Variants in ATP6V1H observed in about 807,000 individuals in gnomAD.
ATP6V1H encodes V-type proton ATPase subunit H.
In ATP6V1H, 39 loss-of-function variants were observed where a neutral mutation model predicts 71.7. That is an observed-to-expected ratio of 0.54 (90% CI 0.42 to 0.71). The LOEUF (loss-of-function observed/expected upper bound fraction) is 0.71, where lower values mean the gene tolerates loss of function less well. Ranked by LOEUF, ATP6V1H falls within the 30% of genes least tolerant of loss-of-function variation. The pLI is 0.00. For synonymous variants in ATP6V1H, 192 were observed against 199.3 expected, an observed-to-expected ratio of 0.96 and a Z score of 0.31; for missense variants, 509 against 594.9, an observed-to-expected ratio of 0.86 and a Z score of 1.50.
chr8:53,784,358 AC>A (rs1563465478), intron 9 of ATP6V1H, among the ~76,000 whole-genome samples: 2 of 151,936 alleles, frequency 1.3e-5, no homozygotes, highest in African/African-American at 4.8e-5. Context: ...TAGGATTGCA[AC>A]CCCTGCCTTT....
Position 53,817,481 on chromosome 8 carries a change from T to C in ATP6V1H, c.356A>G (p.Lys119Arg), listed in dbSNP as rs760235191. 3 of 1,613,910 alleles carry C rather than the reference T, an allele frequency of 1.9e-6. No individual in the cohort carries two copies. Among genetic ancestry groups the C allele is most frequent in the Admixed American group, 1.7e-5 (1 of 60,016 alleles). Residue 119 changes from lysine to arginine, a missense_variant, in exon 5 of 14, where the codon AAG becomes AGG. Coordinates refer to ENST00000359530, the MANE Select transcript of ATP6V1H (RefSeq NM_015941.4). ...SIFFDYARCS[K>R]NTAWPYFLPM... ...CAGAAAGTAGGGCCACGCAGTGTTC[T>C]TGCTACATCTTGCATAGTCAAAGAA...
chr8:53,724,567 C>A (rs1806738096), intron 13 of ATP6V1H, among the ~76,000 whole-genome samples: 1 of 149,546 alleles, frequency 6.7e-6, no homozygotes, highest in African/African-American at 2.5e-5. Flanking sequence ...CGGCCTGGAA[C>A]ACCCCTCCCT....
At chr8:53,807,341 T>C (rs1198688580) in intron 7 of ATP6V1H, among the ~76,000 whole-genome samples, 1 of 152,102 alleles carries the variant, frequency 6.6e-6, no homozygotes, top group African/African-American at 2.4e-5. Flanking sequence ...GGCTCACGTC[T>C]GTAATCCCAG....
chr8:53,738,058 C>T (rs532940584), intron 13 of ATP6V1H, among the ~76,000 whole-genome samples: 25 of 152,128 alleles, frequency 1.6e-4, no homozygotes, highest in Non-Finnish European at 7.4e-5. Context: ...TTTGCTTTAT[C>T]TTAATTAAAT....
intron 13 of ATP6V1H, among the ~76,000 whole-genome samples, chr8:53,740,072 A>G (rs1807359540): frequency 2.6e-5 from 4 of 152,242 alleles, no homozygotes; most frequent in African/African-American, 7.2e-5. Flanking sequence ...CATAAAATAA[A>G]TAAGTATTTT....
At chr8:53,766,230 A>G (rs1808458611) in intron 11 of ATP6V1H, among the ~76,000 whole-genome samples, 5 of 152,218 alleles carry the variant, frequency 3.3e-5, no homozygotes. Context: ...CCAAATTAAT[A>G]CTTTTGTAAT....
At chr8:53,828,249 TA>T (rs1810885732) in intron 4 of ATP6V1H, among the ~76,000 whole-genome samples, 1 of 152,156 alleles carries the variant, frequency 6.6e-6, no homozygotes, top group Non-Finnish European at 1.5e-5. Flanking sequence ...CTGTGTATTT[TA>T]GGGTAGAACA....
At chr8:53,810,237 T>C (rs1331642865) in intron 7 of ATP6V1H, among the ~76,000 whole-genome samples, 2 of 152,228 alleles carry the variant, frequency 1.3e-5, no homozygotes, top group Non-Finnish European at 2.9e-5. Flanking sequence ...CCGTTTTCCC[T>C]AACTTTCTAT....
At chr8:53,799,470 C>G (rs1261884488) in intron 8 of ATP6V1H, among the ~76,000 whole-genome samples, 1 of 152,122 alleles carries the variant, frequency 6.6e-6, no homozygotes, top group Admixed American at 6.5e-5. Flanking sequence ...CTTTACGTTT[C>G]TGTGCAGAAA....
chr8:53,723,690 T>TTA (rs1029653294), intron 13 of ATP6V1H, among the ~76,000 whole-genome samples: 8 of 152,052 alleles, frequency 5.3e-5, no homozygotes, highest in African/African-American at 1.7e-4. Flanking sequence ...CCCCCACACT[T>TTA]CCTCCTTCTG....
intron 9 of ATP6V1H, 37 bp downstream of exon 9, chr8:53,795,610 T>C: frequency 2.5e-6 from 4 of 1,583,176 alleles, no homozygotes; most frequent in Non-Finnish European, 3.4e-6. Flanking sequence ...CAGTGAAAAA[T>C]GCCTCACATA....
intron 13 of ATP6V1H, among the ~76,000 whole-genome samples, chr8:53,722,080 T>C (rs942809556): frequency 6.6e-6 from 1 of 152,254 alleles, no homozygotes; most frequent in African/African-American, 2.4e-5. Flanking sequence ...CCTACAGGAA[T>C]TCCACTAATC....
chr8:53,837,028 C>T (rs1297745441), intron 2 of ATP6V1H, among the ~76,000 whole-genome samples: 5 of 151,948 alleles, frequency 3.3e-5, no homozygotes, highest in African/African-American at 1.2e-4. Context: ...GTAATCCCAG[C>T]TACTCGGGAG....
At chr8:53,784,722 G>T (rs1224542640) in intron 9 of ATP6V1H, among the ~76,000 whole-genome samples, 2 of 152,150 alleles carry the variant, frequency 1.3e-5, no homozygotes, top group Non-Finnish European at 2.9e-5. Flanking sequence ...AGCTCTTGTA[G>T]GGCAGGCCTG....
chr8:53,840,055 C>A, intron 2 of ATP6V1H: 1 of 363,692 alleles, frequency 2.7e-6, no homozygotes, highest in Non-Finnish European at 3.8e-6. Flanking sequence ...CAAGGCTGCT[C>A]CTACTTGCCA....
At chr8:53,788,686 C>T (rs889355168) in intron 9 of ATP6V1H, among the ~76,000 whole-genome samples, 1 of 152,180 alleles carries the variant, frequency 6.6e-6, no homozygotes, top group Admixed American at 6.5e-5. Context: ...GAGTTCAAGC[C>T]ACTCTCCCAA....
Position 53,715,707 on chromosome 8 carries a change from C to T in ATP6V1H, c.*257G>A, listed in dbSNP as rs1259620227. On this transcript the variant is annotated 3_prime_UTR_variant, in exon 14 of 14. Coordinates refer to ENST00000359530, the MANE Select transcript of ATP6V1H (RefSeq NM_015941.4). Reference sequence around the variant, plus strand: ...ATCCTTTAATAACTATATTTATTTCCAGAGAACAATAAATACAGAAATTGC... The same window carrying T: ...ATCCTTTAATAACTATATTTATTTCTAGAGAACAATAAATACAGAAATTGC... 1 of 353,026 alleles carries T rather than the reference C, an allele frequency of 2.8e-6. No individual in the cohort carries two copies. The highest frequency in any genetic ancestry group is 2.1e-5 in the African/African-American group (1 of 47,588). The allele number at this position is 353,026 out of a possible 1,614,324, so 21.9% of individuals were successfully genotyped here. A position where few individuals can be genotyped will look rare whatever the true frequency, so the allele number is the denominator to read the frequency against.
intron 11 of ATP6V1H, among the ~76,000 whole-genome samples, chr8:53,763,803 G>A (rs1354163925): frequency 3.9e-5 from 6 of 152,212 alleles, no homozygotes; most frequent in Admixed American, 6.5e-5. Flanking sequence ...CTAGAGAGAT[G>A]GGTGACAGAG....
At chr8:53,760,436 T>A (rs1035142766) in intron 11 of ATP6V1H, among the ~76,000 whole-genome samples, 1 of 152,162 alleles carries the variant, frequency 6.6e-6, no homozygotes, top group Non-Finnish European at 1.5e-5. Flanking sequence ...ACTATGCCAA[T>A]GTATAAAACC....
Sources: allele counts gnomAD v4.1 joint callset (sites outside exome capture counted in the v4.1 genomes callset), GRCh38; gene constraint gnomAD v4.1.1; transcripts MANE v1.5; gene names NCBI Gene and HGNC (gene_info 2026-07-23, HGNC 2026-07-21).